PRKAB1: variants seen among roughly 807,000 people sequenced by gnomAD.
The protein encoded by PRKAB1 is protein kinase AMP-activated non-catalytic subunit beta 1.
Under a neutral mutation model 32.0 loss-of-function variants are expected in PRKAB1, and 18 were observed. The observed-to-expected ratio is 0.56, with a 90% CI of 0.39 to 0.83. PRKAB1 has a LOEUF of 0.83. PRKAB1 is among the 40% of genes least tolerant of loss of function. The pLI is 0.00. For missense variants in PRKAB1, 263 were observed against 352.6 expected (o/e 0.75, Z 2.03); for synonymous variants, 141 against 141.4 (o/e 1.00, Z 0.02).
upstream of PRKAB1, chr12:119,668,008 C>T (rs1433961632): frequency 7.8e-6 from 4 of 513,976 alleles, no homozygotes; most frequent in Non-Finnish European, 1.3e-5. Flanking sequence ...GGTTTATCTT[C>T]GCGCCCCTTG....
At position 119,681,362 on chromosome 12, in the gene PRKAB1, A is replaced by G. The variant is rs1198065931; in HGVS notation, c.*1037A>G. ...TCTGGGTCAGGAAGATGTCCTTTGG[A>G]CCAAAGCAGACTTCTTTATACGCAG... On this transcript the variant is annotated 3_prime_UTR_variant, in exon 7 of 7. Transcript: ENST00000229328. 6.6e-6 allele frequency: 1 copy of G among 152,156 alleles called. No individual in the cohort carries two copies. Among genetic ancestry groups the G allele is most frequent in the East Asian group, 1.9e-4 (1 of 5,176 alleles). The allele number at this position is 152,156 out of a possible 1,614,324, so 9.4% of individuals were successfully genotyped here. A position where few individuals can be genotyped will look rare whatever the true frequency, so the allele number is the denominator to read the frequency against.
At position 119,668,268 on chromosome 12, in the gene PRKAB1, C is replaced by T. The variant is rs1043352; in HGVS notation, c.24C>T (p.Arg8=). 2 of 1,606,974 alleles carry T rather than the reference C, an allele frequency of 1.2e-6. No homozygotes were observed. The highest frequency in any genetic ancestry group is 1.1e-5 in the South Asian group (1 of 90,166). MGNTSSE[R]AALERHGGHK... ...TCATGGGCAATACCAGCAGTGAGCG[C>T]GCCGCGCTGGAGCGGCATGGTGGCC... Residue 8 remains arginine, a synonymous_variant, in exon 1 of 7, where the codon CGC becomes CGT. Coordinates refer to ENST00000229328, the MANE Select transcript of PRKAB1 (RefSeq NM_006253.5).
At chr12:119,678,799 A>T (rs1955445214) in intron 5 of PRKAB1, 1 of 152,248 alleles carries the variant, frequency 6.6e-6, no homozygotes, top group South Asian at 2.1e-4. Context: ...GGCTATTATG[A>T]ATAGAGCTGC....
chr12:119,676,814 G>A, intron 5 of PRKAB1, 144 bp downstream of exon 5: 1 of 1,178,432 alleles, frequency 8.5e-7, no homozygotes, highest in Non-Finnish European at 1.2e-6. Flanking sequence ...CCTCTGCTGT[G>A]GGGATGGGCT....
intron 1 of PRKAB1, chr12:119,671,443 C>A: frequency 2.5e-6 from 1 of 396,122 alleles, no homozygotes; most frequent in Admixed American, 2.7e-5. Flanking sequence ...TTCCGCATGG[C>A]TGGGGAGGCC....
At chr12:119,672,844 C>G (rs1240185378) in intron 2 of PRKAB1, among the ~76,000 whole-genome samples, 2 of 152,200 alleles carry the variant, frequency 1.3e-5, no homozygotes, top group Non-Finnish European at 2.9e-5. Context: ...TTAACCTGAG[C>G]CTCAGCGTTC....
rs12314027 is a variant in PRKAB1, at chr12:119,674,893, A to G, written c.532+439A>G. ...ACCTTAGCAGTCACTTATGTGGTAC[A>G]TTAGCACCTTGTCAGAATCCCTTTG... On this transcript the variant is annotated intron_variant, in intron 4 of 6. Transcript: ENST00000229328. This position sits in a 1 kb window ranked among gnomAD's most constrained non-coding sequence, Gnocchi z 4.3. 4.4e-3 allele frequency among the ~76,000 whole-genome samples: 674 copies of G among 152,376 alleles called. 3 individuals are homozygous for G. Among genetic ancestry groups the G allele is most frequent in the African/African-American group, 0.015 (633 of 41,596 alleles).
At chr12:119,676,830 C>G (rs1008577974) in intron 5 of PRKAB1, among the ~76,000 whole-genome samples, 160 bp downstream of exon 5, 1 of 152,226 alleles carries the variant, frequency 6.6e-6, no homozygotes, top group African/African-American at 2.4e-5. Flanking sequence ...GGGCTGATAA[C>G]AAGAGGTTCC....
intron 6 of PRKAB1, 102 bp from the exon 7 acceptor site, chr12:119,680,146 G>T: frequency 6.7e-7 from 1 of 1,490,552 alleles, no homozygotes; most frequent in East Asian, 2.3e-5. Flanking sequence ...TCTGAAGCTG[G>T]CCCGGGAATT....
chr12:119,673,334 T>G (rs7312687), intron 2 of PRKAB1, among the ~76,000 whole-genome samples: 1 of 152,246 alleles, frequency 6.6e-6, no homozygotes, highest in South Asian at 2.1e-4. Flanking sequence ...AAGTTGTCAG[T>G]GAGAGAACAC....
intron 1 of PRKAB1, 33 bp downstream of exon 1, chr12:119,668,436 T>C: frequency 6.2e-7 from 1 of 1,607,012 alleles, no homozygotes; most frequent in Non-Finnish European, 8.5e-7. Context: ...CGATTCCCCT[T>C]GACTAATGTT....
In PRKAB1 at chr12:119,680,767, T is replaced by C. The variant is rs1291526071; in HGVS notation, c.*442T>C. 5.8e-6 allele frequency: 1 copy of C among 172,404 alleles called. No homozygotes were observed. The highest frequency in any genetic ancestry group is 1.3e-5 in the Non-Finnish European group (1 of 79,966). The allele number at this position is 172,404 out of a possible 1,614,324, so 10.7% of individuals were successfully genotyped here. ...GTGTGTTTTTAAGGCCAGCCACTTG[T>C]CCCTGTTGAGGCCTGGCTATGGAAC... On this transcript the variant is annotated 3_prime_UTR_variant, in exon 7 of 7. Transcript: ENST00000229328.
chr12:119,680,343 G>A lies in PRKAB1; in HGVS notation c.*18G>A. The A allele has an allele frequency of 6.2e-7, 1 of 1,607,166 alleles. No individual in the cohort carries two copies. Among genetic ancestry groups the A allele is most frequent in the Non-Finnish European group, 8.5e-7 (1 of 1,173,858 alleles). Reference sequence around the variant, plus strand: ...CCATATGAAGAGCTGGGGGCGGATGGTGGCCCAGGAGACAGCACACCACCA... The same window carrying A: ...CCATATGAAGAGCTGGGGGCGGATGATGGCCCAGGAGACAGCACACCACCA... On this transcript the variant is annotated 3_prime_UTR_variant, in exon 7 of 7. Transcript: ENST00000229328.
At chr12:119,672,961 G>T (rs892406240) in intron 2 of PRKAB1, among the ~76,000 whole-genome samples, 78 of 152,230 alleles carry the variant, frequency 5.1e-4, no homozygotes, top group Admixed American at 5.1e-3. Context: ...GGGCATGGGG[G>T]CTCATGCCTA....
Position 119,680,368 on chromosome 12 carries a change from A to T in PRKAB1, c.*43A>T. 1 of 1,540,470 alleles carries T rather than the reference A, an allele frequency of 6.5e-7. No homozygotes were observed. Among genetic ancestry groups the T allele is most frequent in the Non-Finnish European group, 9.0e-7 (1 of 1,116,350 alleles). ...GTGGCCCAGGAGACAGCACACCACC[A>T]GGCTCCACACGTGCATGCTTTCCCC... On this transcript the variant is annotated 3_prime_UTR_variant, in exon 7 of 7. Coordinates refer to ENST00000229328, the MANE Select transcript of PRKAB1 (RefSeq NM_006253.5).
chr12:119,672,412 G>A lies in PRKAB1; in HGVS notation c.271G>A (p.Val91Ile). 6.2e-7 allele frequency: 1 copy of A among 1,609,416 alleles called. No homozygotes were observed. Among genetic ancestry groups the A allele is most frequent in the African/African-American group, 1.3e-5 (1 of 74,888 alleles). The change falls in exon 2 of 7, where the codon GTT becomes ATT. Residue 91 changes from valine (V) to isoleucine (I), a missense_variant. Transcript: ENST00000229328. ...VFRWTGGGKE[V>I]YLSGSFNNWS... ...TCGATGGACGGGGGGCGGAAAGGAAGTTTACTTATCTGGGTCCTTCAACAA... is the reference window on the plus strand; with the variant it reads ...TCGATGGACGGGGGGCGGAAAGGAAATTTACTTATCTGGGTCCTTCAACAA...
chr12:119,673,533 G>C (rs1405854350), intron 2 of PRKAB1, among the ~76,000 whole-genome samples: 1 of 152,194 alleles, frequency 6.6e-6, no homozygotes, highest in African/African-American at 2.4e-5. Context: ...TCAGTCATTA[G>C]GCAAGTTTCT....
In PRKAB1 at chr12:119,675,616, G is replaced by A. The variant is rs184672143; in HGVS notation, c.533-921G>A. Among the ~76,000 whole-genome samples the A allele has an allele frequency of 1.4e-3, 209 of 152,262 alleles. 2 individuals carry two copies. Among genetic ancestry groups the A allele is most frequent in the Non-Finnish European group, 8.5e-4 (58 of 68,016 alleles). On this transcript the variant is annotated intron_variant, in intron 4 of 6. Coordinates refer to ENST00000229328, the MANE Select transcript of PRKAB1 (RefSeq NM_006253.5). ...CTCACTGATACGAAGCTAATTCCAC[G>A]TTCTCTACAGACTTCTGTTTCGACA...
chr12:119,669,181 G>A (rs1409420004), intron 1 of PRKAB1, among the ~76,000 whole-genome samples: 2 of 151,546 alleles, frequency 1.3e-5, no homozygotes, highest in East Asian at 1.9e-4. Context: ...GGCTGGTCTC[G>A]AACTCCCGGG....
Sources: allele counts gnomAD v4.1 joint callset (sites outside exome capture counted in the v4.1 genomes callset), GRCh38; gene constraint gnomAD v4.1.1; non-coding constraint Gnocchi (gnomAD v3.1); transcripts MANE v1.5; gene names NCBI Gene and HGNC (gene_info 2026-07-23, HGNC 2026-07-21).